The following WDR1 variants were observed in gnomAD, a reference collection of about 807,000 sequenced individuals.
The protein encoded by WDR1 is WD repeat domain 1, also known as WD repeat-containing protein 1.
In WDR1, 21 loss-of-function variants were observed where a neutral mutation model predicts 71.9. The observed-to-expected ratio is 0.29, with a 90% CI of 0.21 to 0.42. The LOEUF (loss-of-function observed/expected upper bound fraction) is 0.42, where lower values mean the gene tolerates loss of function less well. Among genes scored for constraint, WDR1 ranks in the 10% least tolerant of loss-of-function variants. WDR1 has a pLI of 1.00. For synonymous variants in WDR1, 424 were observed against 347.4 expected (o/e 1.22, Z -2.45); for missense variants, 696 against 824.5 (o/e 0.84, Z 1.91).
chr4:10,100,194 T>C (rs1321045285), intron 3 of WDR1, among the ~76,000 whole-genome samples: 1 of 152,248 alleles, frequency 6.6e-6, no homozygotes, highest in African/African-American at 2.4e-5. Context: ...GTTTTCTTGC[T>C]GCAACTGAGC....
At chr4:10,086,768 A>C (rs1331428717) in intron 8 of WDR1, among the ~76,000 whole-genome samples, 1 of 152,182 alleles carries the variant, frequency 6.6e-6, no homozygotes, top group Non-Finnish European at 1.5e-5. Context: ...GCTGGGATGA[A>C]GTGCATTGTC....
chr4:10,082,932 G>C (rs746257004), intron 10 of WDR1, 90 bp downstream of exon 10: 4 of 1,481,984 alleles, frequency 2.7e-6, no homozygotes, highest in Non-Finnish European at 3.6e-6. Context: ...CAAGTGAGGC[G>C]TCCTCCAGAA....
intron 5 of WDR1, among the ~76,000 whole-genome samples, chr4:10,089,748 GCGGA>G (rs1711841023): frequency 6.6e-6 from 1 of 152,214 alleles, no homozygotes; most frequent in Non-Finnish European, 1.5e-5. Flanking sequence ...CAACCCCAAG[GCGGA>G]TAAGCTGCCC....
intron 2 of WDR1, among the ~76,000 whole-genome samples, chr4:10,108,063 C>T (rs559269318): frequency 5.9e-5 from 9 of 152,322 alleles, no homozygotes; most frequent in African/African-American, 1.7e-4. Flanking sequence ...TACTCCCCCC[C>T]GGCACCTGTA....
In WDR1 at chr4:10,088,760, C is replaced by T. The variant is rs760511249; in HGVS notation, c.559-19G>A. 7.0e-6 allele frequency: 11 copies of T among 1,575,224 alleles called. No homozygotes were observed. The African/African-American group carries it at 8.1e-5, about 12-fold the overall frequency. ...TGTGGTCCTGCAGGAAAACAATTAC[C>T]TGCCTGATGAGGGGCCGCAGGCCTG... On this transcript the variant is annotated intron_variant, in intron 5 of 14. Transcript: ENST00000499869.
In WDR1 at chr4:10,099,087, C is replaced by T. The variant is rs1345562315; in HGVS notation, c.282G>A (p.Leu94=). 1 of 1,598,926 alleles carries T rather than the reference C, an allele frequency of 6.3e-7. No individual in the cohort carries two copies. The highest frequency in any genetic ancestry group is 8.5e-7 in the Non-Finnish European group (1 of 1,170,954). ...CAGCGAAAGGCTGGTACTCATACTT[C>T]AACAGGTGCTCCTTCTGCGTGGTAT... is the stretch of plus-strand genomic sequence containing the variant. ...IWDTTQKEHL[L]KYEYQPFAGK... Residue 94 remains leucine, a synonymous_variant, in exon 4 of 15, where the codon TTG becomes TTA. Transcript: ENST00000499869.
At chr4:10,115,102 C>A (rs1422052337) in intron 2 of WDR1, among the ~76,000 whole-genome samples, 1 of 152,238 alleles carries the variant, frequency 6.6e-6, no homozygotes, top group Non-Finnish European at 1.5e-5. Context: ...CCCTTGTATG[C>A]CTATGGCATC....
chr4:10,104,385 C>T (rs1038465560), intron 2 of WDR1, among the ~76,000 whole-genome samples: 6 of 152,198 alleles, frequency 3.9e-5, no homozygotes, highest in South Asian at 4.1e-4. Flanking sequence ...TGTTCTCTTC[C>T]GTGTTTAGGA....
chr4:10,116,460 C>CT, intron 1 of WDR1, 191 bp downstream of exon 1: 1 of 714,490 alleles, frequency 1.4e-6, no homozygotes, highest in Middle Eastern at 5.3e-4. Flanking sequence ...ACGGCGCCAA[C>CT]TTGGGGGCGC....
chr4:10,095,162 CAAGGCCACCA>C (rs1712252983), intron 5 of WDR1, among the ~76,000 whole-genome samples: 2 of 152,226 alleles, frequency 1.3e-5, no homozygotes, highest in East Asian at 1.9e-4. Context: ...GGGCGGCAGG[CAAGGCCACCA>C]AGGCCTGAGC....
chr4:10,096,146 G>C (rs941965281), intron 5 of WDR1: 1 of 152,312 alleles, frequency 6.6e-6, no homozygotes, highest in African/African-American at 2.4e-5. Flanking sequence ...TGGTGCCCCT[G>C]ACCCTGCTGA....
intron 5 of WDR1, chr4:10,091,406 G>A (rs1711970447): frequency 6.6e-6 from 1 of 152,224 alleles, no homozygotes; most frequent in African/African-American, 2.4e-5. Flanking sequence ...TTCCAGATGG[G>A]GCTCCAGGGC....
intron 12 of WDR1, chr4:10,078,683 C>A: frequency 1.9e-6 from 1 of 517,202 alleles, no homozygotes; most frequent in Non-Finnish European, 3.4e-6. Context: ...GGGGGAAGTG[C>A]CGAGGAGGGG....
chr4:10,095,093 A>AG (rs1712246801), intron 5 of WDR1, among the ~76,000 whole-genome samples: 1 of 152,212 alleles, frequency 6.6e-6, no homozygotes, highest in Non-Finnish European at 1.5e-5. Flanking sequence ...TGGGTGCAGA[A>AG]GGCGCAGATG....
At chr4:10,112,006 C>A (rs1034295305) in intron 2 of WDR1, among the ~76,000 whole-genome samples, 1 of 151,904 alleles carries the variant, frequency 6.6e-6, no homozygotes, top group South Asian at 2.1e-4. Context: ...CATAGCAAAT[C>A]TGCTGGCTGC....
intron 5 of WDR1, among the ~76,000 whole-genome samples, chr4:10,096,806 C>T (rs569751669): frequency 3.6e-4 from 54 of 151,558 alleles, no homozygotes; most frequent in Middle Eastern, 3.4e-3. Context: ...AGAGGAGTCC[C>T]GAGAACTTGG....
intron 3 of WDR1, 126 bp from the exon 4 acceptor site, chr4:10,099,265 G>A (rs1712548810): frequency 1.3e-6 from 1 of 755,918 alleles, no homozygotes; most frequent in Non-Finnish European, 2.1e-6. Flanking sequence ...ATGTCTGGTT[G>A]CTTAGGCTTT....
Position 10,075,236 on chromosome 4 carries a change from G to C in WDR1, c.*142C>G. On this transcript the variant is annotated 3_prime_UTR_variant, in exon 15 of 15. Transcript: ENST00000499869. ...ACGTGTACAGACACCCTGCAGAGAC[G>C]AGGGTCATGACTGGGCCCTCCTGCC... 1.5e-6 allele frequency: 1 copy of C among 671,736 alleles called. No homozygotes were observed. Among genetic ancestry groups the C allele is most frequent in the Non-Finnish European group, 2.6e-6 (1 of 379,450 alleles). The allele number at this position is 671,736 out of a possible 1,614,324, so 41.6% of individuals were successfully genotyped here.
At chr4:10,101,245 CCAGGTGCG>C (rs1224183527) in intron 3 of WDR1, among the ~76,000 whole-genome samples, 1 of 152,218 alleles carries the variant, frequency 6.6e-6, no homozygotes, top group Non-Finnish European at 1.5e-5. Flanking sequence ...CCGGAGGCTC[CCAGGTGCG>C]CAGCCCTTCC....
Sources: gnomAD v4.1 joint callset for allele counts (sites outside exome capture counted in the v4.1 genomes callset) on GRCh38, gnomAD v4.1.1 for gene constraint, MANE v1.5 for transcripts, NCBI Gene and HGNC (gene_info 2026-07-23, HGNC 2026-07-21) for gene names.